TRAPPC9: variants seen among roughly 807,000 people sequenced by gnomAD.
TRAPPC9 encodes IKK2 binding protein.
TRAPPC9 carries 83 observed loss-of-function variants against 124.0 expected under a neutral mutation model. The observed-to-expected ratio is 0.67, with a 90% CI of 0.56 to 0.80. TRAPPC9 has a LOEUF of 0.80. TRAPPC9 is among the 30% of genes least tolerant of loss of function. The pLI is 0.00. For synonymous variants in TRAPPC9, 638 were observed against 617.5 expected (o/e 1.03, Z -0.49); for missense variants, 1,302 against 1,508.3 (o/e 0.86, Z 2.27).
chr8:140,023,180 C>A (rs140660456), intron 18 of TRAPPC9, among the ~76,000 whole-genome samples: 1 of 152,186 alleles, frequency 6.6e-6, no homozygotes, highest in Non-Finnish European at 1.5e-5. Context: ...ACCTGCTTCC[C>A]GAAGGCTGCT....
chr8:140,209,845 A>T (rs952625521), intron 17 of TRAPPC9, among the ~76,000 whole-genome samples: 6 of 152,254 alleles, frequency 3.9e-5, no homozygotes, highest in Non-Finnish European at 8.8e-5. Flanking sequence ...TCCCATAATA[A>T]GTTGGGAAAC....
In TRAPPC9 at chr8:140,246,984, C is replaced by CA. The variant is rs61104211; in HGVS notation, c.2431+5792dup. On this transcript the variant is annotated intron_variant, in intron 16 of 22. Transcript: ENST00000438773. ...CGGGCGATAGAGCCAGACTTTGTCT[C>CA]AAAAAAAAAAAATTACTTTTGCATA... Among the ~76,000 whole-genome samples the CA allele has an allele frequency of 3.3e-3, 481 of 145,746 alleles. 2 individuals carry two copies. The highest frequency in any genetic ancestry group is 8.9e-3 in the African/African-American group (355 of 40,070).
At chr8:140,032,062 C>G (rs1402550627) in intron 17 of TRAPPC9, among the ~76,000 whole-genome samples, 1 of 152,240 alleles carries the variant, frequency 6.6e-6, no homozygotes, top group Non-Finnish European at 1.5e-5. Context: ...GTCCTACCTG[C>G]ACTTACGCTC....
At chr8:140,101,792 C>T (rs2060586025) in intron 17 of TRAPPC9, among the ~76,000 whole-genome samples, 1 of 151,890 alleles carries the variant, frequency 6.6e-6, no homozygotes, top group African/African-American at 2.4e-5. Flanking sequence ...ATCCACCCAC[C>T]TCGGCCTCCC....
At chr8:140,246,845 T>C (rs58922182) in intron 16 of TRAPPC9, among the ~76,000 whole-genome samples, 9,486 of 151,984 alleles carry the variant, frequency 0.062, 522 homozygotes, top group African/African-American at 0.15. Context: ...ATTACCCAGG[T>C]GTGGTGGCAT....
At chr8:139,734,000 A>G (rs1433891935) in intron 21 of TRAPPC9, among the ~76,000 whole-genome samples, 2 of 152,226 alleles carry the variant, frequency 1.3e-5, no homozygotes, top group Non-Finnish European at 2.9e-5. Flanking sequence ...GGTGAGGAGG[A>G]AAGCACCTTC....
intron 21 of TRAPPC9, among the ~76,000 whole-genome samples, chr8:139,882,738 T>C (rs541085260): frequency 1.8e-3 from 268 of 152,272 alleles, no homozygotes; most frequent in African/African-American, 6.3e-3. Context: ...GAGCACATAA[T>C]AGACATCATC....
At chr8:140,068,048 C>T (rs1842967930) in intron 17 of TRAPPC9, among the ~76,000 whole-genome samples, 2 of 152,132 alleles carry the variant, frequency 1.3e-5, no homozygotes, top group African/African-American at 4.8e-5. Context: ...CTGAACTTTG[C>T]ACTTACCTAT....
chr8:140,304,876 C>A (rs2066081074), intron 10 of TRAPPC9, among the ~76,000 whole-genome samples: 18 of 152,126 alleles, frequency 1.2e-4, no homozygotes, highest in Admixed American at 1.2e-3. Flanking sequence ...GCAGGCCACA[C>A]CGCCCTGTCC....
At chr8:140,228,740 G>A (rs780641843) in intron 16 of TRAPPC9, among the ~76,000 whole-genome samples, 1 of 152,334 alleles carries the variant, frequency 6.6e-6, no homozygotes, top group Non-Finnish European at 1.5e-5. Flanking sequence ...CTGTGGGGAC[G>A]ATTGCACAAC....
At chr8:139,924,523 G>A (rs1442878011) in intron 19 of TRAPPC9, among the ~76,000 whole-genome samples, 3 of 152,188 alleles carry the variant, frequency 2.0e-5, no homozygotes, top group Non-Finnish European at 2.9e-5. Context: ...AACCGTCAAC[G>A]CACCATCATG....
At chr8:140,008,940 A>G (rs1224940198) in intron 18 of TRAPPC9, among the ~76,000 whole-genome samples, 1 of 152,214 alleles carries the variant, frequency 6.6e-6, no homozygotes, top group Non-Finnish European at 1.5e-5. Flanking sequence ...TTTCTTTTGC[A>G]ATTTCTTGTG....
chr8:140,447,293 A>G (rs1588374744), intron 2 of TRAPPC9, among the ~76,000 whole-genome samples: 2 of 152,358 alleles, frequency 1.3e-5, no homozygotes, highest in East Asian at 3.9e-4. Flanking sequence ...ATTAAAAAAC[A>G]TATTTTAAAA....
chr8:139,818,616 G>C (rs1223580874), intron 21 of TRAPPC9, among the ~76,000 whole-genome samples: 1 of 152,134 alleles, frequency 6.6e-6, no homozygotes, highest in Non-Finnish European at 1.5e-5. Flanking sequence ...ACAGTCAGTG[G>C]TGTGCTGGTA....
chr8:140,425,742 G>A (rs2070401135), intron 5 of TRAPPC9, among the ~76,000 whole-genome samples: 1 of 152,158 alleles, frequency 6.6e-6, no homozygotes, highest in African/African-American at 2.4e-5. Context: ...GGGGCTTTCA[G>A]CTCTTCAGTG....
intron 21 of TRAPPC9, among the ~76,000 whole-genome samples, chr8:139,874,475 G>A (rs1314287471): frequency 1.3e-5 from 2 of 152,250 alleles, no homozygotes; most frequent in Admixed American, 6.5e-5. Context: ...GAAACGCGCA[G>A]GCGGAAATGC....
chr8:139,925,809 G>GCACACA lies in TRAPPC9; in HGVS notation c.2811-15510_2811-15509insTGTGTG, dbSNP rs1832778467. On this transcript the variant is annotated intron_variant, in intron 19 of 22. Coordinates refer to ENST00000438773, the MANE Select transcript of TRAPPC9 (RefSeq NM_001160372.4). The stretch of plus-strand genomic sequence containing the variant: ...ACTGGGGTTTGACTACCCAGCACAC[G>GCACACA]CACACGCACACGCACACGCACACAC... Among the ~76,000 whole-genome samples, 3 of 86,822 alleles carry GCACACA rather than the reference G, an allele frequency of 3.5e-5. No individual in the cohort carries two copies. In the South Asian group the frequency reaches 9.9e-4, roughly 29 times the overall value. The allele number at this position is 86,822 out of a possible 152,430, so 57.0% of individuals were successfully genotyped here.
chr8:140,393,285 C>T (rs928350967), intron 7 of TRAPPC9, among the ~76,000 whole-genome samples: 1 of 152,066 alleles, frequency 6.6e-6, no homozygotes, highest in Non-Finnish European at 1.5e-5. Flanking sequence ...GGTTACATAA[C>T]TATTCCAGGT....
chr8:140,100,449 C>G (rs190661435), intron 17 of TRAPPC9: 4 of 152,380 alleles, frequency 2.6e-5, no homozygotes, highest in Non-Finnish European at 5.9e-5. Context: ...GGTCGGGACA[C>G]CCAGCTACGT....
Sources: allele counts gnomAD v4.1 joint callset (sites outside exome capture counted in the v4.1 genomes callset), GRCh38; gene constraint gnomAD v4.1.1; transcripts MANE v1.5; gene names NCBI Gene and HGNC (gene_info 2026-07-23, HGNC 2026-07-21).